The following PRRX1 variants were observed in gnomAD, a reference collection of about 807,000 sequenced individuals.
The protein encoded by PRRX1 is paired related homeobox 1.
In PRRX1, 8 loss-of-function variants were observed where a neutral mutation model predicts 24.0. That is an observed-to-expected ratio of 0.33 (90% CI 0.20 to 0.60). The LOEUF (loss-of-function observed/expected upper bound fraction) is 0.60, where lower values mean the gene tolerates loss of function less well. PRRX1 is among the 20% of genes least tolerant of loss of function. The probability of loss-of-function intolerance (pLI) is 0.82; values close to 1 mark genes in which losing one functional copy is unlikely to be tolerated. For missense variants in PRRX1, 281 were observed against 322.4 expected (o/e 0.87, Z 0.98); for synonymous variants, 160 against 131.7 (o/e 1.22, Z -1.47).
At chr1:170,683,643 T>C (rs1653629757) in intron 1 of PRRX1, among the ~76,000 whole-genome samples, 3 of 152,072 alleles carry the variant, frequency 2.0e-5, no homozygotes, top group Admixed American at 6.5e-5. Flanking sequence ...AATGTTAGAG[T>C]CTATAATTCA....
intron 1 of PRRX1, among the ~76,000 whole-genome samples, chr1:170,693,369 C>T (rs939168111): frequency 6.6e-6 from 1 of 151,986 alleles, no homozygotes; most frequent in Non-Finnish European, 1.5e-5. Flanking sequence ...TACGGGTGTA[C>T]TTAGGGTCAG....
At chr1:170,685,731 G>A (rs1653708198) in intron 1 of PRRX1, among the ~76,000 whole-genome samples, 1 of 151,926 alleles carries the variant, frequency 6.6e-6, no homozygotes, top group Non-Finnish European at 1.5e-5. Flanking sequence ...TACATGGTTT[G>A]AAGTCTAATG....
chr1:170,691,760 G>T (rs78062370), intron 1 of PRRX1, among the ~76,000 whole-genome samples: 21 of 151,558 alleles, frequency 1.4e-4, no homozygotes, highest in African/African-American at 4.6e-4. Context: ...GACAAAGATA[G>T]TATTGAAAAT....
chr1:170,725,008 C>A (rs575191283), intron 2 of PRRX1, among the ~76,000 whole-genome samples: 11 of 152,244 alleles, frequency 7.2e-5, no homozygotes, highest in Non-Finnish European at 1.0e-4. Context: ...CTCTTCTTAG[C>A]TGTATTCCCA....
intron 1 of PRRX1, among the ~76,000 whole-genome samples, chr1:170,685,712 GAA>G (rs1325128979): frequency 6.6e-6 from 1 of 151,778 alleles, no homozygotes; most frequent in East Asian, 1.9e-4. Context: ...CAATGTGGAG[GAA>G]AAGTTATACA....
chr1:170,702,336 G>A lies in PRRX1; in HGVS notation c.242-17390G>A, dbSNP rs144690204. ...ACACTAGAATTACTCCTCTTATCTA[G>A]CTGTAATTTTGTATCTGTTATTAAC... is the stretch of plus-strand genomic sequence containing the variant. On this transcript the variant is annotated intron_variant, in intron 1 of 3. Transcript: ENST00000239461. Among the ~76,000 whole-genome samples, 1,116 of 152,176 alleles carry A rather than the reference G, an allele frequency of 7.3e-3. 10 individuals carry two copies. Among genetic ancestry groups the A allele is most frequent in the African/African-American group, 0.026 (1,077 of 41,524 alleles).
At chr1:170,731,299 C>A (rs568991134) in intron 3 of PRRX1, among the ~76,000 whole-genome samples, 1 of 151,616 alleles carries the variant, frequency 6.6e-6, no homozygotes, top group Non-Finnish European at 1.5e-5. Context: ...ACACCGTAAC[C>A]CCTACAGTCT....
chr1:170,687,288 T>C (rs1653778166), intron 1 of PRRX1, among the ~76,000 whole-genome samples: 1 of 152,186 alleles, frequency 6.6e-6, no homozygotes, highest in African/African-American at 2.4e-5. Context: ...GCATATTTGG[T>C]GAACAAGCCC....
chr1:170,716,748 T>G (rs1325904243), intron 1 of PRRX1, among the ~76,000 whole-genome samples: 1 of 152,202 alleles, frequency 6.6e-6, no homozygotes, highest in East Asian at 1.9e-4. Context: ...GTAGTTGTTT[T>G]TGCAAGAAAA....
At chr1:170,676,540 G>T (rs1364510858) in intron 1 of PRRX1, among the ~76,000 whole-genome samples, 1 of 151,846 alleles carries the variant, frequency 6.6e-6, no homozygotes, top group Non-Finnish European at 1.5e-5. Context: ...TTGTCATAAA[G>T]AATTAATAAA....
At chr1:170,723,407 A>T (rs1414923013) in intron 2 of PRRX1, among the ~76,000 whole-genome samples, 2 of 152,232 alleles carry the variant, frequency 1.3e-5, no homozygotes, top group Non-Finnish European at 2.9e-5. Flanking sequence ...TTTCAAATTT[A>T]CATGTCTTCA....
rs180992167 is a variant in PRRX1, at chr1:170,674,232, G to T, written c.241+9773G>T. 1.9e-4 allele frequency among the ~76,000 whole-genome samples: 28 copies of T among 150,438 alleles called. No individual in the cohort carries two copies. In the East Asian group the frequency reaches 2.5e-3, roughly 14 times the overall value. Reference sequence around the variant, plus strand: ...CACACACACACGTGTGCGCGCTTGCGCACGCACGCACACACACACACACAG... The same window carrying T: ...CACACACACACGTGTGCGCGCTTGCTCACGCACGCACACACACACACACAG... On this transcript the variant is annotated intron_variant, in intron 1 of 3. Coordinates refer to ENST00000239461, the MANE Select transcript of PRRX1 (RefSeq NM_022716.4).
chr1:170,692,762 C>G (rs1171966305), intron 1 of PRRX1, among the ~76,000 whole-genome samples: 1 of 151,060 alleles, frequency 6.6e-6, no homozygotes. Context: ...CACACACACA[C>G]AGACACACGT....
chr1:170,720,305 AAT>A, intron 2 of PRRX1, among the ~76,000 whole-genome samples: 1 of 152,172 alleles, frequency 6.6e-6, no homozygotes, highest in South Asian at 2.1e-4. Flanking sequence ...CAAACAAATA[AAT>A]AATACCCAAG....
intron 2 of PRRX1, among the ~76,000 whole-genome samples, chr1:170,724,762 C>T (rs548919353): frequency 1.1e-4 from 17 of 152,228 alleles, no homozygotes; most frequent in African/African-American, 2.2e-4. Flanking sequence ...CTTGGCCATA[C>T]GGGCTCTTTT....
chr1:170,726,104 T>C, intron 2 of PRRX1, 116 bp from the exon 3 acceptor site: 2 of 1,030,098 alleles, frequency 1.9e-6, no homozygotes, highest in Non-Finnish European at 2.9e-6. Flanking sequence ...CCATCTTATA[T>C]CTTCTTTGGG....
At position 170,664,362 on chromosome 1, in the gene PRRX1, G is replaced by C; in HGVS notation, c.144G>C (p.Met48Ile). 1 of 1,613,976 alleles carries C rather than the reference G, an allele frequency of 6.2e-7. No individual in the cohort carries two copies. Among genetic ancestry groups the C allele is most frequent in the Non-Finnish European group, 8.5e-7 (1 of 1,179,958 alleles). ...TAGACCTGGAGGAAGCCGGGGACAT[G>C]GTGGCGGCACAGGCGGATGAGAACG... ...HLLDLEEAGD[M>I]VAAQADENVG... is the part of the protein sequence containing the mutation. The change falls in exon 1 of 4, where the codon ATG (methionine) becomes ATC (isoleucine). Residue 48 changes from methionine to isoleucine, a missense_variant. Met to Ile is a conservative substitution (Grantham distance 10, BLOSUM62 1). Transcript: ENST00000239461.
rs747366773 is a variant in PRRX1 at position 170,726,124 on chromosome 1, T to C, written c.418-96T>C. On this transcript the variant is annotated intron_variant, in intron 2 of 3. Transcript: ENST00000239461. ...TTATATCTTCTTTGGGAAGGCATTA[T>C]ATAGTAAAATCAAGCAGAATTTCAT... 157 of 1,198,862 alleles carry C rather than the reference T, an allele frequency of 1.3e-4. 1 individual carries two copies. Among genetic ancestry groups the C allele is most frequent in the Non-Finnish European group, 1.8e-4 (149 of 824,176 alleles). The allele number at this position is 1,198,862 out of a possible 1,614,324, so 74.3% of individuals were successfully genotyped here.
At chr1:170,702,079 TATC>T (rs1654403692) in intron 1 of PRRX1, among the ~76,000 whole-genome samples, 1 of 152,138 alleles carries the variant, frequency 6.6e-6, no homozygotes, top group Admixed American at 6.5e-5. Context: ...TAATTTAAAT[TATC>T]ATAAGGAACC....
Sources: gnomAD v4.1 joint callset for allele counts (sites outside exome capture counted in the v4.1 genomes callset) on GRCh38, gnomAD v4.1.1 for gene constraint, MANE v1.5 for transcripts, NCBI Gene and HGNC (gene_info 2026-07-23, HGNC 2026-07-21) for gene names.